The following CENPP variants were observed in gnomAD, a reference collection of about 807,000 sequenced individuals.
CENPP encodes the protein centromere protein P.
In CENPP, 24 loss-of-function variants were observed where a neutral mutation model predicts 35.6. The observed-to-expected ratio is 0.67, with a 90% CI of 0.49 to 0.95. The LOEUF is 0.95. Ranked by LOEUF, CENPP falls within the 40% of genes least tolerant of loss-of-function variation. The probability of loss-of-function intolerance (pLI) is 0.00; values close to 1 mark genes in which losing one functional copy is unlikely to be tolerated. For synonymous variants in CENPP, 120 were observed against 125.5 expected (o/e 0.96, Z 0.29); for missense variants, 332 against 345.3 (o/e 0.96, Z 0.31).
intron 4 of CENPP, among the ~76,000 whole-genome samples, chr9:92,378,283 G>A (rs1842167987): frequency 6.6e-6 from 1 of 152,108 alleles, no homozygotes; most frequent in African/African-American, 2.4e-5. Flanking sequence ...TTTTGGCATT[G>A]GGGTTCCCTT....
chr9:92,373,330 C>CT (rs1842052107), intron 4 of CENPP, among the ~76,000 whole-genome samples: 2 of 152,012 alleles, frequency 1.3e-5, no homozygotes, highest in South Asian at 4.1e-4. Flanking sequence ...TTTTGAGATT[C>CT]TTTCTTCTGC....
At position 92,586,522 on chromosome 9, in the gene CENPP, C is replaced by T. The variant is rs546809292; in HGVS notation, c.565-24792C>T. Among the ~76,000 whole-genome samples the T allele has an allele frequency of 2.6e-5, 4 of 152,142 alleles. No individual in the cohort carries two copies. The South Asian group carries it at 6.2e-4, about 24-fold the overall frequency. ...CCAGGGGAAAAAAGAGTACAATATACGTGCCCGGTATTGGATACATACTCA... is the reference window on the plus strand; with the variant it reads ...CCAGGGGAAAAAAGAGTACAATATATGTGCCCGGTATTGGATACATACTCA... On this transcript the variant is annotated intron_variant, in intron 5 of 7. Coordinates refer to ENST00000375587, the MANE Select transcript of CENPP (RefSeq NM_001012267.3).
chr9:92,603,019 G>A (rs1850966542), intron 5 of CENPP, among the ~76,000 whole-genome samples: 1 of 152,090 alleles, frequency 6.6e-6, no homozygotes, highest in Admixed American at 6.5e-5. Context: ...TCGATCTCTT[G>A]ACCTCGTGAT....
intron 5 of CENPP, chr9:92,393,321 A>G: frequency 8.9e-7 from 1 of 1,120,264 alleles, no homozygotes. Flanking sequence ...AATTATTGCT[A>G]TTATGAATGC....
chr9:92,438,677 G>C (rs1262858659), intron 5 of CENPP, among the ~76,000 whole-genome samples: 3 of 152,220 alleles, frequency 2.0e-5, no homozygotes, highest in Non-Finnish European at 4.4e-5. Context: ...TTTTGACTGG[G>C]TGTGGTGGTT....
At chr9:92,595,078 A>G (rs1850747623) in intron 5 of CENPP, among the ~76,000 whole-genome samples, 1 of 151,698 alleles carries the variant, frequency 6.6e-6, no homozygotes, top group Admixed American at 6.6e-5. Context: ...TTGTATTTTT[A>G]GTAGAGACAG....
chr9:92,345,385 G>A (rs1841260219), intron 3 of CENPP, among the ~76,000 whole-genome samples: 1 of 151,682 alleles, frequency 6.6e-6, no homozygotes, highest in Non-Finnish European at 1.5e-5. Flanking sequence ...CCCAGCTTTG[G>A]GGAGAATGAG....
chr9:92,522,487 C>A, intron 5 of CENPP: 3 of 1,149,804 alleles, frequency 2.6e-6, no homozygotes, highest in Non-Finnish European at 3.5e-6. Flanking sequence ...TGGAGATGTT[C>A]TCCCTCTCTC....
chr9:92,616,165 C>A lies in CENPP; in HGVS notation c.*3016C>A, dbSNP rs1851426207. 4.0e-6 allele frequency: 3 copies of A among 752,716 alleles called. No homozygotes were observed. Among genetic ancestry groups the A allele is most frequent in the Non-Finnish European group, 6.5e-6 (3 of 462,594 alleles). 46.6% of individuals were successfully genotyped at this position (752,716 alleles called of 1,614,324 possible). A position where few individuals can be genotyped will look rare whatever the true frequency, so the allele number is the denominator to read the frequency against. ...CAACTAGTATGTTTTTATGTTTTTT[C>A]TTTGACTTCTGCAAAGTTAGATAAA... On this transcript the variant is annotated 3_prime_UTR_variant, in exon 8 of 8. Coordinates refer to ENST00000375587, the MANE Select transcript of CENPP (RefSeq NM_001012267.3).
At chr9:92,397,911 A>G (rs557509455) in intron 5 of CENPP, among the ~76,000 whole-genome samples, 2 of 152,346 alleles carry the variant, frequency 1.3e-5, no homozygotes, top group Non-Finnish European at 2.9e-5. Context: ...ATATTTCTGT[A>G]TCTCTGTATA....
Position 92,616,186 on chromosome 9 carries a change from A to C in CENPP, c.*3037A>C, listed in dbSNP as rs370949795. On this transcript the variant is annotated 3_prime_UTR_variant, in exon 8 of 8. Coordinates refer to ENST00000375587, the MANE Select transcript of CENPP (RefSeq NM_001012267.3). ...TTTTCTTTGACTTCTGCAAAGTTAG[A>C]TAAATCAATCTCTTTTAAAAGAGAA... 4.6e-6 allele frequency: 3 copies of C among 659,266 alleles called. No individual in the cohort carries two copies. In the East Asian group the frequency reaches 8.3e-5, roughly 18 times the overall value. 40.8% of individuals were successfully genotyped at this position (659,266 alleles called of 1,614,324 possible). A position where few individuals can be genotyped will look rare whatever the true frequency, so the allele number is the denominator to read the frequency against.
chr9:92,423,468 GT>G (rs796581290), intron 5 of CENPP, among the ~76,000 whole-genome samples: 3 of 152,098 alleles, frequency 2.0e-5, no homozygotes, highest in African/African-American at 7.2e-5. Flanking sequence ...AGACATAATT[GT>G]TTTTATTTGT....
chr9:92,344,186 A>C (rs1841209682), intron 3 of CENPP, among the ~76,000 whole-genome samples: 1 of 152,242 alleles, frequency 6.6e-6, no homozygotes, highest in East Asian at 1.9e-4. Context: ...CCTAGTTAGC[A>C]GTACCACAAG....
At chr9:92,588,961 G>A (rs930165809) in intron 5 of CENPP, among the ~76,000 whole-genome samples, 4 of 152,132 alleles carry the variant, frequency 2.6e-5, no homozygotes, top group East Asian at 1.9e-4. Context: ...GCATTACTAC[G>A]AAATTTAAGG....
intron 5 of CENPP, among the ~76,000 whole-genome samples, chr9:92,381,081 A>C (rs150312393): frequency 1.8e-4 from 27 of 152,264 alleles, no homozygotes; most frequent in Non-Finnish European, 4.4e-5. Flanking sequence ...CTTCTCCAGA[A>C]GTTTTTCATC....
intron 5 of CENPP, among the ~76,000 whole-genome samples, chr9:92,447,762 C>T (rs1275636874): frequency 1.3e-5 from 2 of 152,038 alleles, no homozygotes; most frequent in African/African-American, 2.4e-5. Flanking sequence ...CCTGGTTGTC[C>T]GTAGAGATGC....
rs557458135 is a variant in CENPP, at chr9:92,496,062, A to G, written c.565-115252A>G. 81 of 1,099,324 alleles carry G rather than the reference A, an allele frequency of 7.4e-5. No homozygotes were observed. The African/African-American group carries it at 1.2e-3, about 16-fold the overall frequency. The allele number at this position is 1,099,324 out of a possible 1,614,324, so 68.1% of individuals were successfully genotyped here. ...TCTGGTCTAGCTCAGTATGCATAAT[A>G]TCCTATTCTAGTGAGATGGCCTCTT... On this transcript the variant is annotated intron_variant, in intron 5 of 7. Transcript: ENST00000375587.
chr9:92,453,461 G>A (rs1163086762), intron 5 of CENPP, among the ~76,000 whole-genome samples: 1 of 152,190 alleles, frequency 6.6e-6, no homozygotes, highest in African/African-American at 2.4e-5. Context: ...TGTGGTCTGA[G>A]AGACAGTTTG....
chr9:92,556,893 G>A (rs1849735637), intron 5 of CENPP, among the ~76,000 whole-genome samples: 1 of 151,836 alleles, frequency 6.6e-6, no homozygotes, highest in African/African-American at 2.4e-5. Flanking sequence ...TTTTGCTTTT[G>A]CTTTTTAGCT....
Sources: allele counts gnomAD v4.1 joint callset (sites outside exome capture counted in the v4.1 genomes callset), GRCh38; gene constraint gnomAD v4.1.1; transcripts MANE v1.5; gene names NCBI Gene and HGNC (gene_info 2026-07-23, HGNC 2026-07-21).